INTS13: variants seen among roughly 807,000 people sequenced by gnomAD.
INTS13 encodes integrator complex subunit 13.
Under a neutral mutation model 90.2 loss-of-function variants are expected in INTS13, and 35 were observed. The ratio of observed to expected loss-of-function variants is 0.39; its 90% CI spans 0.30 to 0.51. The LOEUF is 0.51. Among genes scored for constraint, INTS13 ranks in the 20% least tolerant of loss-of-function variants. The probability of loss-of-function intolerance (pLI) is 0.80; values close to 1 mark genes in which losing one functional copy is unlikely to be tolerated. For missense variants in INTS13, 601 were observed against 851.2 expected (o/e 0.71, Z 3.66); for synonymous variants, 309 against 277.1 (o/e 1.11, Z -1.14).
chr12:26,930,422 C>T (rs965542874), intron 3 of INTS13, among the ~76,000 whole-genome samples: 4 of 152,090 alleles, frequency 2.6e-5, no homozygotes, highest in African/African-American at 7.2e-5. Flanking sequence ...CAAGATAGTA[C>T]GGTACTGGCA....
chr12:26,913,461 C>G lies in INTS13; in HGVS notation c.1801G>C (p.Glu601Gln), dbSNP rs867052401. ...ATATCAATGCCAGGAAGTCACCTCT[C>G]TGAGTCTTGCCAAGACTTTTCCTGT... ...YEQEKSWQDS[E>Q]RLKGILERGK... The change falls in exon 14 of 17, where the codon GAG becomes CAG. Residue 601 changes from glutamate (E) to glutamine (Q), a missense_variant. By Grantham distance (29) the Glu-to-Gln change is conservative (BLOSUM62 2). Around this residue, in one of 3 missense-constraint regions of INTS13, gnomAD observed 228 missense variants for 272.5 expected, o/e 0.84. Coordinates refer to ENST00000261191, the MANE Select transcript of INTS13 (RefSeq NM_018164.3). 1 of 1,613,672 alleles carries G rather than the reference C, an allele frequency of 6.2e-7. No individual in the cohort carries two copies. The highest frequency in any genetic ancestry group is 8.5e-7 in the Non-Finnish European group (1 of 1,179,748).
At chr12:26,911,852 A>C (rs17406806) in intron 14 of INTS13, among the ~76,000 whole-genome samples, 5,211 of 152,322 alleles carry the variant, frequency 0.034, 145 homozygotes, top group Non-Finnish European at 0.052. Context: ...CCTAAATGAT[A>C]GTACTTTTTC....
intron 8 of INTS13, among the ~76,000 whole-genome samples, chr12:26,918,796 G>A (rs1312060219): frequency 6.6e-6 from 1 of 152,216 alleles, no homozygotes; most frequent in Non-Finnish European, 1.5e-5. Context: ...AGGGAGATCT[G>A]TCCTATTCCA....
At chr12:26,913,431 GT>G in intron 14 of INTS13, 25 bp downstream of exon 14, 1 of 1,563,848 alleles carries the variant, frequency 6.4e-7, no homozygotes, top group Non-Finnish European at 8.8e-7. Flanking sequence ...AGGCACCATG[GT>G]GCTATATCAA....
intron 8 of INTS13, among the ~76,000 whole-genome samples, chr12:26,920,053 A>G (rs1952063198): frequency 6.6e-6 from 1 of 151,626 alleles, no homozygotes; most frequent in African/African-American, 2.4e-5. Flanking sequence ...GCGTGAACCC[A>G]GGAGGCAGAG....
intron 15 of INTS13, among the ~76,000 whole-genome samples, chr12:26,910,258 A>G (rs1326235246): frequency 6.6e-6 from 1 of 152,244 alleles, no homozygotes; most frequent in African/African-American, 2.4e-5. Context: ...TCAATATCTC[A>G]GCTCTTACTA....
intron 15 of INTS13, among the ~76,000 whole-genome samples, chr12:26,910,523 G>A (rs1368610492): frequency 6.6e-6 from 1 of 152,054 alleles, no homozygotes; most frequent in Non-Finnish European, 1.5e-5. Flanking sequence ...GTTTTATAAG[G>A]GGCTTCCTCT....
At chr12:26,935,068 C>T (rs185460403) in intron 2 of INTS13, among the ~76,000 whole-genome samples, 50 of 152,164 alleles carry the variant, frequency 3.3e-4, no homozygotes, top group African/African-American at 1.1e-3. Flanking sequence ...AATCTGGGTA[C>T]GGCAAATAAC....
At chr12:26,927,479 C>A (rs1469406946) in intron 5 of INTS13, among the ~76,000 whole-genome samples, 1 of 152,228 alleles carries the variant, frequency 6.6e-6, no homozygotes, top group South Asian at 2.1e-4. Context: ...AAACTGTTTT[C>A]CTTTTCAGAA....
intron 15 of INTS13, among the ~76,000 whole-genome samples, chr12:26,907,232 T>TTAATTTGAAGTCACTTAATTTGAA (rs1236140533): frequency 6.6e-6 from 1 of 152,202 alleles, no homozygotes; most frequent in African/African-American, 2.4e-5. Flanking sequence ...TTGAAGTGAC[T>TTAATTTGAAGTCACTTAATTTGAA]GTGACAGTAC....
At chr12:26,916,333 A>G (rs1337653146) in intron 10 of INTS13, among the ~76,000 whole-genome samples, 153 bp from the exon 11 acceptor site, 1 of 152,226 alleles carries the variant, frequency 6.6e-6, no homozygotes, top group Admixed American at 6.5e-5. Context: ...TTCCATGCCT[A>G]AAAATCTGAA....
chr12:26,905,390 A>G lies in INTS13; in HGVS notation c.*107T>C. 1.0e-6 allele frequency: 1 copy of G among 988,764 alleles called. No individual in the cohort carries two copies. Among genetic ancestry groups the G allele is most frequent in the Non-Finnish European group, 1.5e-6 (1 of 664,006 alleles). The allele number at this position is 988,764 out of a possible 1,614,324, so 61.2% of individuals were successfully genotyped here. A position where few individuals can be genotyped will look rare whatever the true frequency, so the allele number is the denominator to read the frequency against. ...GCTGAAATATTTTAAAAATGTAAAA[A>G]CCAGTCCAGGCAACATAACTATACC... On this transcript the variant is annotated 3_prime_UTR_variant, in exon 17 of 17. Coordinates refer to ENST00000261191, the MANE Select transcript of INTS13 (RefSeq NM_018164.3).
rs1938487043 is a variant in INTS13, at chr12:26,936,817, G to A, written c.-11-3C>T. On this transcript the variant is annotated splice_polypyrimidine_tract_variant and splice_region_variant and intron_variant, in intron 1 of 16. Coordinates refer to ENST00000261191, the MANE Select transcript of INTS13 (RefSeq NM_018164.3). The stretch of plus-strand genomic sequence containing the variant: ...AAAAATCTTCATTTTGTTTTAACCT[G>A]TAAGGGGAAAAACATATTAGCCAAA... The A allele has an allele frequency of 1.9e-6, 3 of 1,580,858 alleles. No individual in the cohort carries two copies. In the African/African-American group the frequency reaches 4.0e-5, roughly 21 times the overall value.
rs1325872731 is a variant in INTS13 at position 26,913,642 on chromosome 12, G to A, written c.1620C>T (p.Val540=). The A allele has an allele frequency of 6.2e-7, 1 of 1,613,904 alleles. No individual in the cohort carries two copies. Among genetic ancestry groups the A allele is most frequent in the Non-Finnish European group, 8.5e-7 (1 of 1,180,010 alleles). ...RIMWNELETL[V]RAHINNSEKH... ...TCTCTGAGTTGTTGATATGGGCTCT[G>A]ACAAGGGTTTCTAATTCATTCCACA... is the stretch of plus-strand genomic sequence containing the variant. Residue 540 remains valine, a synonymous_variant, in exon 14 of 17, where the codon GTC becomes GTT. Transcript: ENST00000261191.
At position 26,911,131 on chromosome 12, in the gene INTS13, G is replaced by A. The variant is rs764926867; in HGVS notation, c.1945+47C>T. Reference sequence around the variant, plus strand: ...ATTACAGGGGTAAGCCACCACACCCGGCCTGGAAAACTTTTTATAAACCTA... The same window carrying A: ...ATTACAGGGGTAAGCCACCACACCCAGCCTGGAAAACTTTTTATAAACCTA... On this transcript the variant is annotated intron_variant, in intron 15 of 16. Coordinates refer to ENST00000261191, the MANE Select transcript of INTS13 (RefSeq NM_018164.3). 57 of 1,575,358 alleles carry A rather than the reference G, an allele frequency of 3.6e-5. No individual in the cohort carries two copies. In the East Asian group the frequency reaches 5.1e-4, roughly 14 times the overall value.
intron 3 of INTS13, among the ~76,000 whole-genome samples, chr12:26,933,965 G>A (rs1938326824): frequency 6.6e-6 from 1 of 152,194 alleles, no homozygotes; most frequent in Non-Finnish European, 1.5e-5. Context: ...TTACGTAGAT[G>A]TTATAATGCC....
intron 2 of INTS13, among the ~76,000 whole-genome samples, chr12:26,935,934 T>C (rs1378644518): frequency 6.6e-6 from 1 of 152,214 alleles, no homozygotes; most frequent in Non-Finnish European, 1.5e-5. Flanking sequence ...GATTAAACTT[T>C]AATACCTGTA....
At chr12:26,936,558 T>G in intron 2 of INTS13, 21 bp downstream of exon 2, 2 of 1,533,708 alleles carry the variant, frequency 1.3e-6, no homozygotes, top group Non-Finnish European at 1.8e-6. Flanking sequence ...AATCATGATT[T>G]TGTTTGTACT....
At chr12:26,934,280 TAAG>T (rs1938346844) in intron 3 of INTS13, among the ~76,000 whole-genome samples, 1 of 151,998 alleles carries the variant, frequency 6.6e-6, no homozygotes, top group Admixed American at 6.6e-5. Flanking sequence ...AATAAATAAA[TAAG>T]TAGATAAATA....
Sources: allele counts gnomAD v4.1 joint callset (sites outside exome capture counted in the v4.1 genomes callset), GRCh38; gene constraint gnomAD v4.1.1; regional missense constraint gnomAD v4.1.1; transcripts MANE v1.5; gene names NCBI Gene and HGNC (gene_info 2026-07-23, HGNC 2026-07-21).